The following ZBTB20 variants were observed in gnomAD, a reference collection of about 807,000 sequenced individuals.
ZBTB20 encodes the protein zinc finger and BTB domain containing 20.
In ZBTB20, 9 loss-of-function variants were observed where a neutral mutation model predicts 56.9. The observed-to-expected ratio is 0.16, with a 90% CI of 0.10 to 0.28. The LOEUF (loss-of-function observed/expected upper bound fraction) is 0.28, where lower values mean the gene tolerates loss of function less well. Ranked by LOEUF, ZBTB20 falls within the 10% of genes least tolerant of loss-of-function variation. ZBTB20 has a pLI of 1.00. For missense variants in ZBTB20, 655 were observed against 1,003.0 expected (o/e 0.65, Z 4.69); for synonymous variants, 417 against 420.7 (o/e 0.99, Z 0.11).
At chr3:114,650,351 T>A (rs931748538) in intron 6 of ZBTB20, among the ~76,000 whole-genome samples, 3 of 151,936 alleles carry the variant, frequency 2.0e-5, no homozygotes, top group African/African-American at 7.2e-5. Flanking sequence ...GTTCTAAGAA[T>A]ATGCATTGGC....
chr3:114,901,536 T>C (rs948342405), intron 3 of ZBTB20, among the ~76,000 whole-genome samples: 4 of 152,096 alleles, frequency 2.6e-5, no homozygotes, highest in African/African-American at 9.7e-5. Flanking sequence ...ACTCAGTAAT[T>C]TTAGTCCCAG....
chr3:114,769,579 ATATATATATATATATAT>A lies in ZBTB20; in HGVS notation c.-343+31505_-343+31521del, dbSNP rs1560228623. On this transcript the variant is annotated intron_variant, in intron 5 of 11. Transcript: ENST00000675478. ...TATATATATATATATATATATATAT[ATATATATATATATATAT>A]AATGGAATACTATGCAGCCATAAAA... Among the ~76,000 whole-genome samples, 5 of 142,256 alleles carry A rather than the reference ATATATATATATATATAT, an allele frequency of 3.5e-5. No individual in the cohort carries two copies. The East Asian group carries it at 6.0e-4, about 17-fold the overall frequency. 93.3% of individuals were successfully genotyped at this position (142,256 alleles called of 152,430 possible). A position where few individuals can be genotyped will look rare whatever the true frequency, so the allele number is the denominator to read the frequency against.
Position 114,326,469 on chromosome 3 carries a change from T to C in ZBTB20, c.*12536A>G, listed in dbSNP as rs1241837285. ...CATGAGTGCTATTTGAAATGGAAGATAAGATTTTTTGGAGGAAAAATTCCT... is the reference window on the plus strand; with the variant it reads ...CATGAGTGCTATTTGAAATGGAAGACAAGATTTTTTGGAGGAAAAATTCCT... On this transcript the variant is annotated 3_prime_UTR_variant, in exon 12 of 12. Transcript: ENST00000675478. The C allele has an allele frequency of 6.7e-6, 1 of 149,988 alleles. No individual in the cohort carries two copies. The highest frequency in any genetic ancestry group is 1.9e-4 in the East Asian group (1 of 5,196). The allele number at this position is 149,988 out of a possible 1,614,324, so 9.3% of individuals were successfully genotyped here.
intron 6 of ZBTB20, among the ~76,000 whole-genome samples, chr3:114,513,260 CTCT>C (rs1422460287): frequency 1.3e-5 from 2 of 152,134 alleles, no homozygotes; most frequent in African/African-American, 2.4e-5. Context: ...TATGTTAATA[CTCT>C]TATTATCTTG....
chr3:114,787,432 C>T (rs546076681), intron 5 of ZBTB20, among the ~76,000 whole-genome samples: 19 of 147,416 alleles, frequency 1.3e-4, no homozygotes, highest in African/African-American at 3.8e-4. Context: ...CATATATACA[C>T]GTATATACAC....
At chr3:114,843,910 C>T (rs2074517553) in intron 4 of ZBTB20, among the ~76,000 whole-genome samples, 1 of 151,308 alleles carries the variant, frequency 6.6e-6, no homozygotes, top group Non-Finnish European at 1.5e-5. Context: ...TGGTCTTGAA[C>T]TCCTAACCTC....
chr3:114,517,821 G>A (rs1036308005), intron 6 of ZBTB20, among the ~76,000 whole-genome samples: 2 of 151,828 alleles, frequency 1.3e-5, no homozygotes, highest in Non-Finnish European at 2.9e-5. Context: ...TGATCCACCC[G>A]CCTCGGCCTC....
At chr3:114,796,648 G>C (rs2071359837) in intron 5 of ZBTB20, among the ~76,000 whole-genome samples, 1 of 151,818 alleles carries the variant, frequency 6.6e-6, no homozygotes, top group South Asian at 2.1e-4. Context: ...CCACTTACTG[G>C]ACATCTAGGA....
At chr3:114,609,106 T>C (rs1017107983) in intron 6 of ZBTB20, among the ~76,000 whole-genome samples, 2 of 152,206 alleles carry the variant, frequency 1.3e-5, no homozygotes, top group African/African-American at 4.8e-5. Flanking sequence ...AAAACTCTTC[T>C]GCTCTTCCAC....
intron 1 of ZBTB20, among the ~76,000 whole-genome samples, chr3:115,101,294 A>T (rs891818544): frequency 6.6e-6 from 1 of 152,202 alleles, no homozygotes; most frequent in African/African-American, 2.4e-5. Flanking sequence ...CTTCTAAATA[A>T]ACTTGCCTTA....
chr3:114,339,146 T>C lies in ZBTB20; in HGVS notation c.2085A>G (p.Thr695=), dbSNP rs994242920. 6.2e-7 allele frequency: 1 copy of C among 1,613,408 alleles called. No individual in the cohort carries two copies. The change falls in exon 12 of 12, where the codon ACA becomes ACG. Residue 695 remains threonine, a synonymous_variant. Transcript: ENST00000675478. This position sits in a 1 kb window ranked among gnomAD's most constrained non-coding sequence, Gnocchi z 4.2. ...SASNGTPPAG[T]PPGARAGPPG... is the part of the protein sequence containing the mutation. ...GGGGGCCAGCGCGGGCACCTGGGGGTGTGCCTGCAGGGGGGGTCCCATTGC... is the reference window on the plus strand; with the variant it reads ...GGGGGCCAGCGCGGGCACCTGGGGGCGTGCCTGCAGGGGGGGTCCCATTGC...
Position 114,807,678 on chromosome 3 carries a change from C to T in ZBTB20, c.-416-6504G>A, listed in dbSNP as rs974811706. Among the ~76,000 whole-genome samples, 16 of 152,098 alleles carry T rather than the reference C, an allele frequency of 1.1e-4. No individual in the cohort carries two copies. The South Asian group carries it at 2.1e-3, about 20-fold the overall frequency. On this transcript the variant is annotated intron_variant, in intron 4 of 11. Transcript: ENST00000675478. The stretch of plus-strand genomic sequence containing the variant: ...CAGGTTACAGAAGTTCTCTTCTATT[C>T]CTTTTGTTGAAAGATTATATCACAA...
intron 1 of ZBTB20, among the ~76,000 whole-genome samples, chr3:115,091,717 C>CAT (rs139201422): frequency 0.047 from 6,872 of 145,634 alleles, 270 homozygotes; most frequent in Admixed American, 0.12. Flanking sequence ...ATAATACATA[C>CAT]ATATATATAT....
At chr3:114,734,721 T>TA (rs1208249279) in intron 5 of ZBTB20, among the ~76,000 whole-genome samples, 1 of 152,192 alleles carries the variant, frequency 6.6e-6, no homozygotes, top group Non-Finnish European at 1.5e-5. Context: ...GAGCTGTACA[T>TA]ACATTTAAGA....
At chr3:114,452,910 T>C (rs983835667) in intron 7 of ZBTB20, among the ~76,000 whole-genome samples, 2 of 152,138 alleles carry the variant, frequency 1.3e-5, no homozygotes, top group Non-Finnish European at 2.9e-5. Flanking sequence ...GTGTCTATAA[T>C]GTACCTTAAA....
chr3:114,595,265 T>C (rs1191151424), intron 6 of ZBTB20, among the ~76,000 whole-genome samples: 1 of 152,240 alleles, frequency 6.6e-6, no homozygotes, highest in Non-Finnish European at 1.5e-5. Flanking sequence ...GCCACATTTA[T>C]AGCTGGTCAA....
At chr3:114,394,972 T>C in intron 7 of ZBTB20, among the ~76,000 whole-genome samples, 1 of 152,216 alleles carries the variant, frequency 6.6e-6, no homozygotes, top group Non-Finnish European at 1.5e-5. Flanking sequence ...TACATTATTG[T>C]TATTTTTAAC....
At chr3:114,839,465 A>AAGAAAGAG (rs767019231) in intron 4 of ZBTB20, among the ~76,000 whole-genome samples, 200 of 148,252 alleles carry the variant, frequency 1.3e-3, no homozygotes, top group African/African-American at 3.6e-3. Flanking sequence ...GAAAGAAAGA[A>AAGAAAGAG]AGAGAGAGAG....
At chr3:114,844,373 T>TATA (rs1467342908) in intron 4 of ZBTB20, among the ~76,000 whole-genome samples, 1 of 88,286 alleles carries the variant, frequency 1.1e-5, no homozygotes, top group Non-Finnish European at 2.0e-5. Context: ...ATATATATAT[T>TATA]AGCTGAGAGT....
Sources: allele counts gnomAD v4.1 joint callset (sites outside exome capture counted in the v4.1 genomes callset), GRCh38; gene constraint gnomAD v4.1.1; non-coding constraint Gnocchi (gnomAD v3.1); transcripts MANE v1.5; gene names NCBI Gene and HGNC (gene_info 2026-07-23, HGNC 2026-07-21).